The following TNR variants were observed in gnomAD, a reference collection of about 807,000 sequenced individuals.
The protein encoded by TNR is tenascin-R.
TNR carries 45 observed loss-of-function variants against 150.4 expected under a neutral mutation model. That is an observed-to-expected ratio of 0.30 (90% confidence interval 0.24 to 0.38). The LOEUF (loss-of-function observed/expected upper bound fraction) is 0.38, where lower values mean the gene tolerates loss of function less well. Ranked by LOEUF, TNR falls within the 10% of genes least tolerant of loss-of-function variation. The pLI, the probability that TNR is intolerant of heterozygous loss-of-function variation, is 1.00. For missense variants in TNR, 1,544 were observed against 1,759.1 expected (o/e 0.88, Z 2.19); for synonymous variants, 687 against 678.4 (o/e 1.01, Z -0.20).
At chr1:175,513,098 T>A (rs964517735) in intron 2 of TNR, among the ~76,000 whole-genome samples, 1 of 152,218 alleles carries the variant, frequency 6.6e-6, no homozygotes. Context: ...GTTCTTAGGA[T>A]GTTCTGTTGG....
At chr1:175,358,848 GGAA>G (rs1651450138) in intron 15 of TNR, among the ~76,000 whole-genome samples, 1 of 152,156 alleles carries the variant, frequency 6.6e-6, no homozygotes, top group South Asian at 2.1e-4. Flanking sequence ...ACAAAAACAC[GGAA>G]GAGTTTAGCA....
At chr1:175,397,505 T>C (rs1023003143) in intron 4 of TNR, among the ~76,000 whole-genome samples, 1 of 152,242 alleles carries the variant, frequency 6.6e-6, no homozygotes, top group African/African-American at 2.4e-5. Context: ...AGCCAATATC[T>C]GATTTGGCAA....
chr1:175,482,529 C>T (rs537121833), intron 2 of TNR, among the ~76,000 whole-genome samples: 1 of 152,274 alleles, frequency 6.6e-6, no homozygotes, highest in South Asian at 2.1e-4. Context: ...TATGCTACCA[C>T]AGGCCAAAGA....
chr1:175,341,116 C>T lies in TNR; in HGVS notation c.3383-3437G>A, dbSNP rs573940023. Among the ~76,000 whole-genome samples, 18 of 152,278 alleles carry T rather than the reference C, an allele frequency of 1.2e-4. No homozygotes were observed. In the East Asian group the frequency reaches 2.3e-3, roughly 20 times the overall value. Reference sequence around the variant, plus strand: ...CCTGTTCTGCTGTATTCAATGTGAACGTACTGGGGCTTTATACATTTTAGG... The same window carrying T: ...CCTGTTCTGCTGTATTCAATGTGAATGTACTGGGGCTTTATACATTTTAGG... On this transcript the variant is annotated intron_variant, in intron 18 of 22. Coordinates refer to ENST00000367674, the MANE Select transcript of TNR (RefSeq NM_003285.3).
chr1:175,468,013 C>T (rs1029343235), intron 2 of TNR, among the ~76,000 whole-genome samples: 3 of 152,144 alleles, frequency 2.0e-5, no homozygotes, highest in African/African-American at 4.8e-5. Context: ...TATGATACGG[C>T]AGCAGAGAAA....
At chr1:175,688,424 CTGCCTGG>C (rs1666263578) in intron 1 of TNR, among the ~76,000 whole-genome samples, 11 of 152,244 alleles carry the variant, frequency 7.2e-5, no homozygotes, top group Non-Finnish European at 1.5e-4. Context: ...GGAAATCTCT[CTGCCTGG>C]AGCAAAGCAG....
At chr1:175,579,175 T>TCCTC (rs1453122208) in intron 1 of TNR, among the ~76,000 whole-genome samples, 1 of 148,816 alleles carries the variant, frequency 6.7e-6, no homozygotes, top group Non-Finnish European at 1.5e-5. Flanking sequence ...TTTCCTTCCT[T>TCCTC]CCTTCCTTCC....
rs1553218221 is a variant in TNR, at chr1:175,417,011, A to AAAGAAAGAAAGAAAGAAAG, written c.-63-10235_-63-10234insCTTTCTTTCTTTCTTTCTT. 7.6e-4 allele frequency among the ~76,000 whole-genome samples: 69 copies of AAAGAAAGAAAGAAAGAAAG among 90,896 alleles called. 1 individual carries two copies. Among genetic ancestry groups the AAAGAAAGAAAGAAAGAAAG allele is most frequent in the African/African-American group, 2.8e-3 (62 of 21,886 alleles). 59.6% of individuals were successfully genotyped at this position (90,896 alleles called of 152,430 possible). ...CTACAGAGCGAGACTCCATCTCAAA[A>AAAGAAAGAAAGAAAGAAAG]AAAGAAAGAAAGAAAGAAAGAAAGA... On this transcript the variant is annotated intron_variant, in intron 2 of 22. Coordinates refer to ENST00000367674, the MANE Select transcript of TNR (RefSeq NM_003285.3).
At chr1:175,382,465 T>C (rs1396371195) in intron 8 of TNR, among the ~76,000 whole-genome samples, 2 of 152,160 alleles carry the variant, frequency 1.3e-5, no homozygotes, top group Admixed American at 6.5e-5. Flanking sequence ...CAGGTTGAAA[T>C]TGTGAAAGAA....
intron 10 of TNR, among the ~76,000 whole-genome samples, 159 bp downstream of exon 10, chr1:175,367,049 G>C (rs16848304): frequency 0.083 from 12,601 of 152,288 alleles, 560 homozygotes; most frequent in Middle Eastern, 0.092. Context: ...TCAAGGATTA[G>C]GCATAGGGTG....
At chr1:175,386,434 A>G (rs1652935759) in intron 7 of TNR, 133 bp from the exon 8 acceptor site, 1 of 933,084 alleles carries the variant, frequency 1.1e-6, no homozygotes, top group African/African-American at 1.7e-5. Context: ...CATTTTACAG[A>G]TGAGGAAAAT....
chr1:175,363,730 T>G lies in TNR; in HGVS notation c.2685A>C (p.Arg895=). 1 of 1,613,834 alleles carries G rather than the reference T, an allele frequency of 6.2e-7. No individual in the cohort carries two copies. Among genetic ancestry groups the G allele is most frequent in the Non-Finnish European group, 8.5e-7 (1 of 1,179,846 alleles). The change falls in exon 13 of 23, where the codon CGA becomes CGC. Residue 895 remains arginine (R), a synonymous_variant. Transcript: ENST00000367674. ...TACCTTGGGTGGGTCGATATGATAC[T>G]CGGTAGTAATCGAAAGATGCAACAG... ...SPPVASFDYY[R]VSYRPTQVGR...
At chr1:175,502,728 G>A (rs1411474012) in intron 2 of TNR, among the ~76,000 whole-genome samples, 3 of 152,142 alleles carry the variant, frequency 2.0e-5, no homozygotes, top group African/African-American at 7.2e-5. Flanking sequence ...CAGTGGCGAG[G>A]GTTACAGACA....
intron 16 of TNR, 64 bp from the exon 17 acceptor site, chr1:175,355,697 A>G: frequency 2.5e-6 from 4 of 1,601,704 alleles, no homozygotes; most frequent in Non-Finnish European, 3.4e-6. Flanking sequence ...GCTTGATTTC[A>G]GGTATGGGTA....
intron 2 of TNR, among the ~76,000 whole-genome samples, chr1:175,457,817 A>G (rs370621083): frequency 2.6e-5 from 4 of 152,218 alleles, no homozygotes; most frequent in African/African-American, 7.2e-5. Flanking sequence ...GGTTTTCCTC[A>G]TTGAATCCTC....
At position 175,619,045 on chromosome 1, in the gene TNR, G is replaced by A. The variant is rs571880447; in HGVS notation, c.-164-90676C>T. ...GCAGGGCAACTTCTGCAACTAAAGA[G>A]CAAATGGCCTCCATGAAAAGAGACC... is the stretch of plus-strand genomic sequence containing the variant. On this transcript the variant is annotated intron_variant, in intron 1 of 22. Transcript: ENST00000367674. Among the ~76,000 whole-genome samples the A allele has an allele frequency of 1.7e-4, 26 of 152,256 alleles. 1 individual carries two copies. The South Asian group carries it at 5.0e-3, about 29-fold the overall frequency.
chr1:175,558,848 G>A (rs1370546465), intron 1 of TNR, among the ~76,000 whole-genome samples: 1 of 152,158 alleles, frequency 6.6e-6, no homozygotes. Context: ...ATACTGTAAT[G>A]GTGGATACAT....
chr1:175,376,860 T>TATATATATATATA lies in TNR; in HGVS notation c.1963+2691_1963+2692insTATATATATATAT, dbSNP rs1553211469. On this transcript the variant is annotated intron_variant, in intron 9 of 22. Transcript: ENST00000367674. ...TTATGTGTAATATATAAATGTAATA[T>TATATATATATATA]TATATATATATATATATATACACAT... Among the ~76,000 whole-genome samples the TATATATATATATA allele has an allele frequency of 3.4e-3, 382 of 113,660 alleles. 2 individuals carry two copies. Among genetic ancestry groups the TATATATATATATA allele is most frequent in the South Asian group, 0.02 (71 of 3,520 alleles). 74.6% of individuals were successfully genotyped at this position (113,660 alleles called of 152,430 possible). A position where few individuals can be genotyped will look rare whatever the true frequency, so the allele number is the denominator to read the frequency against.
chr1:175,535,449 TGTTGTTG>T (rs1257816581), intron 1 of TNR, among the ~76,000 whole-genome samples: 151 of 20,738 alleles, frequency 7.3e-3, no homozygotes, highest in African/African-American at 0.015. Context: ...ATTTATTTTT[TGTTGTTG>T]TTGTTGTTGT....
Sources: allele counts gnomAD v4.1 joint callset (sites outside exome capture counted in the v4.1 genomes callset), GRCh38; gene constraint gnomAD v4.1.1; transcripts MANE v1.5; gene names NCBI Gene and HGNC (gene_info 2026-07-23, HGNC 2026-07-21).